Variants in FAM83F observed in about 807,000 individuals in gnomAD.
FAM83F encodes the protein scaffolding CK1 anchoring protein F.
A neutral mutation model predicts 42.9 loss-of-function variants in FAM83F; 45 were observed. The ratio of observed to expected loss-of-function variants is 1.05; its 90% confidence interval spans 0.83 to 1.35. The LOEUF (loss-of-function observed/expected upper bound fraction) is 1.35, where lower values mean the gene tolerates loss of function less well. FAM83F is among the 40% of genes most tolerant of loss of function. The pLI is 0.00. For synonymous variants in FAM83F, 306 were observed against 298.3 expected (o/e 1.03, Z -0.27); for missense variants, 617 against 695.9 (o/e 0.89, Z 1.28).
At chr22:40,007,909 C>T (rs1046656711) in intron 1 of FAM83F, among the ~76,000 whole-genome samples, 5 of 152,204 alleles carry the variant, frequency 3.3e-5, no homozygotes, top group Non-Finnish European at 2.9e-5. Context: ...CTGGATGCAT[C>T]GTCTCCACAG....
At position 39,995,295 on chromosome 22, in the gene FAM83F, G is replaced by A. The variant is rs1383419879; in HGVS notation, c.253G>A (p.Gly85Ser). 1.3e-6 allele frequency: 2 copies of A among 1,536,988 alleles called. No homozygotes were observed. Among genetic ancestry groups the A allele is most frequent in the Non-Finnish European group, 1.7e-6 (2 of 1,145,818 alleles). Residue 85 changes from glycine to serine, a missense_variant, in exon 1 of 5, where the codon GGC becomes AGC. Physicochemically the swap from Gly to Ser is moderately conservative, Grantham distance 56. Transcript: ENST00000333407. This position sits in a 1 kb window ranked among gnomAD's most constrained non-coding sequence, Gnocchi z 4.6. ...CGCCGTCCCCGCCGCCAACGCCCGG[G>A]GCAAGAGCAAGGCCAAGGCCAAGGC... is the stretch of plus-strand genomic sequence containing the variant. ...EDAVPAANAR[G>S]KSKAKAKAPA...
intron 4 of FAM83F, among the ~76,000 whole-genome samples, chr22:40,024,409 C>G (rs1000519114): frequency 4.6e-5 from 7 of 152,228 alleles, no homozygotes; most frequent in Non-Finnish European, 8.8e-5. Flanking sequence ...GCAGCCAGGA[C>G]TGCATGTGTG....
chr22:40,011,703 C>T (rs1032439698), intron 1 of FAM83F, among the ~76,000 whole-genome samples: 1 of 152,210 alleles, frequency 6.6e-6, no homozygotes, highest in African/African-American at 2.4e-5. Context: ...TAGTTCGTTA[C>T]TTCTGTCTGC....
intron 2 of FAM83F, 22 bp downstream of exon 2, chr22:40,019,357 G>A (rs1339575165): frequency 6.2e-7 from 1 of 1,608,478 alleles, no homozygotes; most frequent in Non-Finnish European, 8.5e-7. Context: ...CACTGGGGTG[G>A]AAAGTGGACA....
At chr22:40,007,656 G>GTTTCCTCTCCTCTCCTCCTCA (rs1174270072) in intron 1 of FAM83F, among the ~76,000 whole-genome samples, 10 of 51,004 alleles carry the variant, frequency 2.0e-4, no homozygotes, top group African/African-American at 3.3e-4. Context: ...TCTCCTCCTC[G>GTTTCCTCTCCTCTCCTCCTCA]TTTCCTCTCC....
Position 40,038,170 on chromosome 22 carries a change from A to C in FAM83F, c.*8605A>C, listed in dbSNP as rs1202135466. ...GTTAGGAAGATGGATACTGGGAGGC[A>C]AGTGTTCTGATGGGAAAGCACAGCA... On this transcript the variant is annotated 3_prime_UTR_variant, in exon 5 of 5. Coordinates refer to ENST00000333407, the MANE Select transcript of FAM83F (RefSeq NM_138435.4). The C allele has an allele frequency of 6.6e-6, 1 of 152,348 alleles. No individual in the cohort carries two copies. The highest frequency in any genetic ancestry group is 2.4e-5 in the African/African-American group (1 of 41,472). 9.4% of individuals were successfully genotyped at this position (152,348 alleles called of 1,614,324 possible).
At chr22:40,011,177 T>C (rs897688736) in intron 1 of FAM83F, among the ~76,000 whole-genome samples, 1 of 152,186 alleles carries the variant, frequency 6.6e-6, no homozygotes, top group Non-Finnish European at 1.5e-5. Context: ...TGTTATGTTA[T>C]GCAGTGTGCT....
intron 1 of FAM83F, among the ~76,000 whole-genome samples, chr22:40,000,456 G>T (rs936500912): frequency 6.6e-6 from 1 of 152,144 alleles, no homozygotes; most frequent in Non-Finnish European, 1.5e-5. Context: ...TTTGCATATG[G>T]TGGGCCTGGC....
chr22:40,030,504 A>G lies in FAM83F; in HGVS notation c.*939A>G, dbSNP rs1164504877. The G allele has an allele frequency of 1.3e-5, 2 of 151,940 alleles. No homozygotes were observed. Among genetic ancestry groups the G allele is most frequent in the East Asian group, 3.9e-4 (2 of 5,128 alleles). The allele number at this position is 151,940 out of a possible 1,614,324, so 9.4% of individuals were successfully genotyped here. On this transcript the variant is annotated 3_prime_UTR_variant, in exon 5 of 5. Transcript: ENST00000333407. ...CCCTCAACTCTAACGGGGTCCTCGG[A>G]CCCCTTCACCAACCAGGGCTTCCAG... is the stretch of plus-strand genomic sequence containing the variant.
chr22:40,032,597 T>C lies in FAM83F; in HGVS notation c.*3032T>C, dbSNP rs2067595450. ...TCTTTTTTTTTTCTGAGACAGAGTC[T>C]CACCCTGTTGCCCAGGCTGGAGTGC... On this transcript the variant is annotated 3_prime_UTR_variant, in exon 5 of 5. Transcript: ENST00000333407. 6.6e-6 allele frequency: 1 copy of C among 150,916 alleles called. No individual in the cohort carries two copies. The highest frequency in any genetic ancestry group is 1.5e-5 in the Non-Finnish European group (1 of 67,822). 9.3% of individuals were successfully genotyped at this position (150,916 alleles called of 1,614,324 possible).
In FAM83F at chr22:39,995,126, C is replaced by G; in HGVS notation, c.84C>G (p.Cys28Trp). Residue 28 changes from cysteine to tryptophan, a missense_variant, in exon 1 of 5, where the codon TGC (cysteine) becomes TGG (tryptophan). Transcript: ENST00000333407. The surrounding 1 kb of genome is among the most constrained non-coding windows in gnomAD (Gnocchi z 4.6). ...AGGCGCAGGCCGCCTTCTACTACTG[C>G]GAGCGGCGGCGGGCCGCGCTGGAGG... ...VTEAQAAFYYCERRRAALEAL... is the reference protein window; with the variant it reads ...VTEAQAAFYYWERRRAALEAL... 7.3e-7 allele frequency: 1 copy of G among 1,373,520 alleles called. No homozygotes were observed. 85.1% of individuals were successfully genotyped at this position (1,373,520 alleles called of 1,614,324 possible).
At chr22:40,012,689 G>A (rs921719881) in intron 1 of FAM83F, among the ~76,000 whole-genome samples, 3 of 151,584 alleles carry the variant, frequency 2.0e-5, no homozygotes, top group Non-Finnish European at 4.4e-5. Context: ...AGAATCGCTT[G>A]AACCTGGGAG....
At chr22:40,009,381 C>T (rs2046352711) in intron 1 of FAM83F, among the ~76,000 whole-genome samples, 1 of 152,206 alleles carries the variant, frequency 6.6e-6, no homozygotes, top group Non-Finnish European at 1.5e-5. Context: ...CTGAGCTCCA[C>T]GTCAGCAGGG....
intron 1 of FAM83F, among the ~76,000 whole-genome samples, chr22:39,997,412 A>G (rs879319014): frequency 1.3e-5 from 2 of 152,242 alleles, no homozygotes; most frequent in Admixed American, 6.5e-5. Context: ...AGAAACTTTT[A>G]ACAATTGTGA....
At chr22:40,011,962 C>G (rs2067467180) in intron 1 of FAM83F, among the ~76,000 whole-genome samples, 1 of 152,210 alleles carries the variant, frequency 6.6e-6, no homozygotes, top group African/African-American at 2.4e-5. Flanking sequence ...TACAGAATAG[C>G]TGCACCAGTG....
At chr22:40,009,165 C>T (rs927893079) in intron 1 of FAM83F, among the ~76,000 whole-genome samples, 5 of 152,082 alleles carry the variant, frequency 3.3e-5, no homozygotes, top group East Asian at 1.9e-4. Context: ...GTGTGGGAGG[C>T]GACTCGGCCC....
At chr22:40,029,292 C>T (rs1368489828) in intron 4 of FAM83F, among the ~76,000 whole-genome samples, 6 of 152,160 alleles carry the variant, frequency 3.9e-5, no homozygotes, top group Admixed American at 3.3e-4. Flanking sequence ...CTTGATGTCC[C>T]ACCCAGTGGG....
At position 40,040,606 on chromosome 22, in the gene FAM83F, G is replaced by C. The variant is rs141453497; in HGVS notation, c.*11041G>C. 2.6e-5 allele frequency: 4 copies of C among 152,330 alleles called. No individual in the cohort carries two copies. The highest frequency in any genetic ancestry group is 9.6e-5 in the African/African-American group (4 of 41,562). 9.4% of individuals were successfully genotyped at this position (152,330 alleles called of 1,614,324 possible). ...GATAGGTGATTTAGAAGGTGAGACA[G>C]ACACAAGGGATGTGTTGCACAGTAA... is the stretch of plus-strand genomic sequence containing the variant. On this transcript the variant is annotated 3_prime_UTR_variant, in exon 5 of 5. Transcript: ENST00000333407.
intron 4 of FAM83F, among the ~76,000 whole-genome samples, chr22:40,029,079 ACGTG>A (rs2067571722): frequency 1.8e-5 from 2 of 113,184 alleles, no homozygotes; most frequent in South Asian, 3.0e-4. Flanking sequence ...TCTTGGCTAG[ACGTG>A]TGTGTGTGTG....
Sources: allele counts gnomAD v4.1 joint callset (sites outside exome capture counted in the v4.1 genomes callset), GRCh38; gene constraint gnomAD v4.1.1; non-coding constraint Gnocchi (gnomAD v3.1); transcripts MANE v1.5; gene names NCBI Gene and HGNC (gene_info 2026-07-23, HGNC 2026-07-21).